Variants in TTC7B observed in about 807,000 individuals in gnomAD.
TTC7B encodes the protein tetratricopeptide repeat protein 7B.
TTC7B carries 28 observed loss-of-function variants against 106.8 expected under a neutral mutation model. That is an observed-to-expected ratio of 0.26 (90% CI 0.19 to 0.36). TTC7B has a LOEUF of 0.36. Ranked by LOEUF, TTC7B falls within the 10% of genes least tolerant of loss-of-function variation. The pLI is 1.00. For synonymous variants in TTC7B, 405 were observed against 430.6 expected, an observed-to-expected ratio of 0.94 and a Z score of 0.74; for missense variants, 862 against 1,076.4, an observed-to-expected ratio of 0.80 and a Z score of 2.79.
At chr14:90,795,631 T>G (rs989289974) in intron 1 of TTC7B, among the ~76,000 whole-genome samples, 2 of 152,220 alleles carry the variant, frequency 1.3e-5, no homozygotes, top group African/African-American at 4.8e-5. Context: ...GTTTTCTCAC[T>G]TGGGTATCAT....
rs1047366578 is a variant in TTC7B at position 90,742,372 on chromosome 14, A to G, written c.576+2420T>C. 4.0e-5 allele frequency among the ~76,000 whole-genome samples: 6 copies of G among 149,478 alleles called. No homozygotes were observed. The highest frequency in any genetic ancestry group is 9.9e-5 in the African/African-American group (4 of 40,516). ...CCTTTCTTTCTTCATTTGTAGAGAC[A>G]AGGTCTCACTCTGTTGACCAGGCTG... On this transcript the variant is annotated intron_variant, in intron 4 of 19. Transcript: ENST00000328459. This position sits in a 1 kb window ranked among gnomAD's most constrained non-coding sequence, Gnocchi z 4.1.
At chr14:90,686,993 ATT>A (rs398057374) in intron 7 of TTC7B, among the ~76,000 whole-genome samples, 1 of 140,766 alleles carries the variant, frequency 7.1e-6, no homozygotes, top group Non-Finnish European at 1.6e-5. Flanking sequence ...CCAGCTGCCT[ATT>A]TTTTTTTTTT....
chr14:90,732,826 A>G (rs78109319), intron 4 of TTC7B, among the ~76,000 whole-genome samples: 7,862 of 152,058 alleles, frequency 0.052, 240 homozygotes, highest in Non-Finnish European at 0.061. Context: ...GTTGCTCTTA[A>G]GCTCCTTTTC....
At chr14:90,800,522 C>T (rs2030190551) in intron 1 of TTC7B, among the ~76,000 whole-genome samples, 1 of 152,000 alleles carries the variant, frequency 6.6e-6, no homozygotes, top group Non-Finnish European at 1.5e-5. Flanking sequence ...GTTAGAAGGT[C>T]AGAGTCCGGC....
chr14:90,683,581 G>A (rs1170926435), intron 7 of TTC7B, among the ~76,000 whole-genome samples: 1 of 152,114 alleles, frequency 6.6e-6, no homozygotes, highest in Non-Finnish European at 1.5e-5. Flanking sequence ...AAGGACTATC[G>A]AGGCCTCACC....
chr14:90,762,521 T>C (rs1342371278), intron 3 of TTC7B, among the ~76,000 whole-genome samples: 1 of 152,236 alleles, frequency 6.6e-6, no homozygotes, highest in Non-Finnish European at 1.5e-5. Context: ...AATTAAGTCA[T>C]TCCTCCTGCT....
chr14:90,606,210 C>T (rs980482361), intron 17 of TTC7B, among the ~76,000 whole-genome samples: 1 of 152,090 alleles, frequency 6.6e-6, no homozygotes, highest in Non-Finnish European at 1.5e-5. Flanking sequence ...TGAGGTGCAA[C>T]ACTATGTCAT....
chr14:90,701,796 G>GTATATATATA (rs138397501), intron 5 of TTC7B, among the ~76,000 whole-genome samples: 35 of 118,936 alleles, frequency 2.9e-4, no homozygotes, highest in South Asian at 5.1e-4. Context: ...GTGTGTGTGT[G>GTATATATATA]TATATATATA....
Position 90,533,569 on chromosome 14 carries a change from AG to A in TTC7B, c.*7798del, listed in dbSNP as rs1889337764. On this transcript the variant is annotated 3_prime_UTR_variant, in exon 20 of 20. Coordinates refer to ENST00000328459, the MANE Select transcript of TTC7B (RefSeq NM_001010854.2). ...CTGTTAATATCCCCAAAAGCCCGTA[AG>A]GGAAGTTACTCCCCGACCATAGAGA... The A allele has an allele frequency of 6.6e-6, 1 of 152,404 alleles. No individual in the cohort carries two copies. Among genetic ancestry groups the A allele is most frequent in the African/African-American group, 2.4e-5 (1 of 41,584 alleles). The allele number at this position is 152,404 out of a possible 1,614,324, so 9.4% of individuals were successfully genotyped here.
At chr14:90,615,444 G>A (rs948782713) in intron 16 of TTC7B, among the ~76,000 whole-genome samples, 2 of 152,204 alleles carry the variant, frequency 1.3e-5, no homozygotes, top group Non-Finnish European at 2.9e-5. Flanking sequence ...ACCAGCTCCG[G>A]GGAGAAGCCA....
At chr14:90,596,922 T>A (rs1892230217) in intron 17 of TTC7B, among the ~76,000 whole-genome samples, 2 of 152,172 alleles carry the variant, frequency 1.3e-5, no homozygotes, top group Non-Finnish European at 2.9e-5. Flanking sequence ...TGTGCTCTAC[T>A]CTTCCCCTCT....
intron 17 of TTC7B, among the ~76,000 whole-genome samples, chr14:90,610,473 C>G (rs1311861117): frequency 6.6e-6 from 1 of 152,202 alleles, no homozygotes; most frequent in Non-Finnish European, 1.5e-5. Flanking sequence ...GAAACCACCT[C>G]ATTTTAGTTT....
At chr14:90,789,294 C>T (rs750118654) in intron 1 of TTC7B, among the ~76,000 whole-genome samples, 4 of 152,012 alleles carry the variant, frequency 2.6e-5, no homozygotes, top group Non-Finnish European at 5.9e-5. Context: ...GACGGAGTTT[C>T]GCCATGTTGG....
intron 5 of TTC7B, among the ~76,000 whole-genome samples, chr14:90,723,932 T>C (rs1020895437): frequency 5.9e-5 from 9 of 152,208 alleles, no homozygotes; most frequent in African/African-American, 2.2e-4. Context: ...CCAAACCCAC[T>C]GCATGCCAGG....
At chr14:90,646,294 C>T (rs1885446840) in intron 14 of TTC7B, among the ~76,000 whole-genome samples, 1 of 152,160 alleles carries the variant, frequency 6.6e-6, no homozygotes, top group African/African-American at 2.4e-5. Flanking sequence ...GGTGGCCAGG[C>T]ATGTGGCCAA....
intron 1 of TTC7B, among the ~76,000 whole-genome samples, chr14:90,795,895 T>C (rs1891759224): frequency 1.3e-5 from 2 of 152,140 alleles, no homozygotes; most frequent in African/African-American, 4.8e-5. Context: ...TGCAGTATGG[T>C]GAGCAGTTTA....
At chr14:90,548,294 G>A (rs1337894319) in intron 19 of TTC7B, among the ~76,000 whole-genome samples, 1 of 152,190 alleles carries the variant, frequency 6.6e-6, no homozygotes, top group Non-Finnish European at 1.5e-5. Context: ...TGGTACTGGA[G>A]CACTTAAAGA....
At chr14:90,794,118 G>T (rs1891685574) in intron 1 of TTC7B, among the ~76,000 whole-genome samples, 2 of 151,626 alleles carry the variant, frequency 1.3e-5, no homozygotes, top group Admixed American at 1.3e-4. Context: ...GGCCAGGCTG[G>T]TCTCAAACTC....
chr14:90,673,071 T>C (rs1886693414), intron 9 of TTC7B, among the ~76,000 whole-genome samples: 1 of 152,192 alleles, frequency 6.6e-6, no homozygotes, highest in Non-Finnish European at 1.5e-5. Flanking sequence ...CTCTAGAGCC[T>C]GTGACACACT....
Sources: allele counts gnomAD v4.1 joint callset (sites outside exome capture counted in the v4.1 genomes callset), GRCh38; gene constraint gnomAD v4.1.1; non-coding constraint Gnocchi (gnomAD v3.1); transcripts MANE v1.5; gene names NCBI Gene and HGNC (gene_info 2026-07-23, HGNC 2026-07-21).